The following ARID5B variants were observed in gnomAD, a reference collection of about 807,000 sequenced individuals.
ARID5B encodes the protein AT-rich interactive domain-containing protein 5B.
In ARID5B, 13 loss-of-function variants were observed where a neutral mutation model predicts 97.2. The observed-to-expected ratio is 0.13, with a 90% CI of 0.09 to 0.21. ARID5B has a LOEUF of 0.21. Among genes scored for constraint, ARID5B ranks in the 10% least tolerant of loss-of-function variants. The probability of loss-of-function intolerance (pLI) is 1.00; values close to 1 mark genes in which losing one functional copy is unlikely to be tolerated. For synonymous variants in ARID5B, 556 were observed against 570.3 expected, an observed-to-expected ratio of 0.97 and a Z score of 0.36; for missense variants, 1,210 against 1,465.3, an observed-to-expected ratio of 0.83 and a Z score of 2.84.
intron 8 of ARID5B, among the ~76,000 whole-genome samples, chr10:62,084,191 A>T (rs1398173744): frequency 6.6e-6 from 1 of 152,182 alleles, no homozygotes; most frequent in Non-Finnish European, 1.5e-5. Context: ...ACCTTGTCCA[A>T]GCATGCTCAG....
In ARID5B at chr10:62,021,221, G is replaced by A. The variant is rs530211297; in HGVS notation, c.733+20900G>A. On this transcript the variant is annotated intron_variant, in intron 4 of 9. Coordinates refer to ENST00000279873, the MANE Select transcript of ARID5B (RefSeq NM_032199.3). The stretch of plus-strand genomic sequence containing the variant: ...TAATAACTGCTGATACATAGTTATC[G>A]AAAATTGTTTTTAGCTGCACATGCT... Among the ~76,000 whole-genome samples the A allele has an allele frequency of 8.6e-5, 13 of 151,818 alleles. No homozygotes were observed. In the South Asian group the frequency reaches 1.5e-3, roughly 17 times the overall value.
At chr10:61,903,851 C>A (rs1843662604) in intron 2 of ARID5B, among the ~76,000 whole-genome samples, 1 of 151,892 alleles carries the variant, frequency 6.6e-6, no homozygotes, top group African/African-American at 2.4e-5. Context: ...CTCGAATCTG[C>A]CTTTTCGGAA....
intron 3 of ARID5B, among the ~76,000 whole-genome samples, chr10:61,958,995 T>C (rs1026666003): frequency 6.6e-6 from 1 of 152,352 alleles, no homozygotes; most frequent in African/African-American, 2.4e-5. Flanking sequence ...AATGGCTGCA[T>C]TGGCAATGAA....
At chr10:61,970,380 A>T (rs1291105844) in intron 3 of ARID5B, among the ~76,000 whole-genome samples, 1 of 152,248 alleles carries the variant, frequency 6.6e-6, no homozygotes, top group Non-Finnish European at 1.5e-5. Flanking sequence ...GTTGGGTAAC[A>T]CTGGAGAATT....
chr10:62,065,140 G>C (rs907288605), intron 7 of ARID5B, among the ~76,000 whole-genome samples: 7 of 152,188 alleles, frequency 4.6e-5, no homozygotes, highest in African/African-American at 1.7e-4. Flanking sequence ...AGTAGGTGTG[G>C]AGTGCTTTTC....
rs1426195290 is a variant in ARID5B, at chr10:62,000,682, T to C, written c.733+361T>C. Reference sequence around the variant, plus strand: ...ACTAGTCACTCTCTTTTCATTGTTATAAGGTATTGTAAAAATGCACCAATG... The same window carrying C: ...ACTAGTCACTCTCTTTTCATTGTTACAAGGTATTGTAAAAATGCACCAATG... On this transcript the variant is annotated intron_variant, in intron 4 of 9. Transcript: ENST00000279873. The surrounding 1 kb of genome is among the most constrained non-coding windows in gnomAD (Gnocchi z 4.4). Among the ~76,000 whole-genome samples, 1 of 152,222 alleles carries C rather than the reference T, an allele frequency of 6.6e-6. No homozygotes were observed. The highest frequency in any genetic ancestry group is 1.9e-4 in the East Asian group (1 of 5,200).
At chr10:61,938,456 T>C (rs1671590506) in intron 2 of ARID5B, among the ~76,000 whole-genome samples, 1 of 152,244 alleles carries the variant, frequency 6.6e-6, no homozygotes. Flanking sequence ...TGGTGTCACC[T>C]GTCCAGAAGC....
intron 4 of ARID5B, among the ~76,000 whole-genome samples, chr10:62,013,826 C>T (rs1424983939): frequency 7.0e-6 from 1 of 143,490 alleles, no homozygotes; most frequent in East Asian, 2.3e-4. Flanking sequence ...ACCACATTTT[C>T]TCTTTTAATT....
Position 62,075,478 on chromosome 10 carries a change from G to A in ARID5B, c.1199+5681G>A, listed in dbSNP as rs148081851. On this transcript the variant is annotated intron_variant, in intron 8 of 9. Transcript: ENST00000279873. ...TAGAGGAAGCTTCAGGGTTCCAGGCGCTCTTACTCTGCTCTACACACTCTT... is the reference window on the plus strand; with the variant it reads ...TAGAGGAAGCTTCAGGGTTCCAGGCACTCTTACTCTGCTCTACACACTCTT... Among the ~76,000 whole-genome samples, 48 of 152,290 alleles carry A rather than the reference G, an allele frequency of 3.2e-4. No individual in the cohort carries two copies. The East Asian group carries it at 9.1e-3, about 29-fold the overall frequency.
chr10:62,065,025 C>G (rs1386653915), intron 7 of ARID5B, among the ~76,000 whole-genome samples: 1 of 152,162 alleles, frequency 6.6e-6, no homozygotes, highest in African/African-American at 2.4e-5. Context: ...CCACCCGTCT[C>G]AGCCTCCCAA....
chr10:62,042,655 T>C (rs773696198), intron 4 of ARID5B, among the ~76,000 whole-genome samples: 1 of 152,210 alleles, frequency 6.6e-6, no homozygotes, highest in Non-Finnish European at 1.5e-5. Flanking sequence ...CTCACGCCTG[T>C]GGTCCCAGCA....
In ARID5B at chr10:62,095,027, G is replaced by A. The variant is rs1418478932; in HGVS notation, c.*1997G>A. The A allele has an allele frequency of 4.4e-6, 1 of 229,756 alleles. No individual in the cohort carries two copies. Among genetic ancestry groups the A allele is most frequent in the African/African-American group, 2.2e-5 (1 of 45,018 alleles). The allele number at this position is 229,756 out of a possible 1,614,324, so 14.2% of individuals were successfully genotyped here. A position where few individuals can be genotyped will look rare whatever the true frequency, so the allele number is the denominator to read the frequency against. On this transcript the variant is annotated 3_prime_UTR_variant, in exon 10 of 10. Transcript: ENST00000279873. Reference sequence around the variant, plus strand: ...TGTAACATACTTAATATCCAAAGGTGGAAACAAAAGAATGTAGAGATCCAG... The same window carrying A: ...TGTAACATACTTAATATCCAAAGGTAGAAACAAAAGAATGTAGAGATCCAG...
chr10:62,033,028 G>A (rs995539647), intron 4 of ARID5B, among the ~76,000 whole-genome samples: 2 of 152,082 alleles, frequency 1.3e-5, no homozygotes, highest in Non-Finnish European at 2.9e-5. Flanking sequence ...GTCTATACTG[G>A]GAACCCTACG....
In ARID5B at chr10:62,093,136, A is replaced by G; in HGVS notation, c.*106A>G. 1.4e-6 allele frequency: 2 copies of G among 1,478,256 alleles called. No homozygotes were observed. The highest frequency in any genetic ancestry group is 1.8e-6 in the Non-Finnish European group (2 of 1,114,218). 91.6% of individuals were successfully genotyped at this position (1,478,256 alleles called of 1,614,324 possible). The stretch of plus-strand genomic sequence containing the variant: ...AGAAGTCAGTATTTCTTCTAATCTG[A>G]GGCTATGATCAGTCCCAGCTGTAGG... On this transcript the variant is annotated 3_prime_UTR_variant, in exon 10 of 10. Transcript: ENST00000279873.
intron 3 of ARID5B, among the ~76,000 whole-genome samples, chr10:61,947,946 C>T (rs1838261318): frequency 6.6e-6 from 1 of 152,190 alleles, no homozygotes; most frequent in African/African-American, 2.4e-5. Flanking sequence ...TCTAGTGTTT[C>T]CTGCAGCCAC....
chr10:62,052,669 C>A (rs530972906), intron 5 of ARID5B, among the ~76,000 whole-genome samples: 1 of 152,110 alleles, frequency 6.6e-6, no homozygotes, highest in Non-Finnish European at 1.5e-5. Context: ...TTCACAAAGC[C>A]GAGAAGAACA....
At chr10:61,937,306 A>C (rs1419094491) in intron 2 of ARID5B, among the ~76,000 whole-genome samples, 1 of 151,890 alleles carries the variant, frequency 6.6e-6, no homozygotes, top group Non-Finnish European at 1.5e-5. Flanking sequence ...TTTTTGCCTA[A>C]AGTTTCCCAA....
chr10:62,047,883 G>T (rs191370883), intron 4 of ARID5B, among the ~76,000 whole-genome samples: 29 of 152,274 alleles, frequency 1.9e-4, no homozygotes, highest in African/African-American at 7.0e-4. Flanking sequence ...AATCCAAAAG[G>T]TCTCTGATTC....
intron 3 of ARID5B, among the ~76,000 whole-genome samples, chr10:61,964,002 T>A (rs1838510004): frequency 6.6e-6 from 1 of 152,096 alleles, no homozygotes; most frequent in Non-Finnish European, 1.5e-5. Context: ...GGTCCTCAAA[T>A]CCCTTTTAGA....
Sources: allele counts gnomAD v4.1 joint callset (sites outside exome capture counted in the v4.1 genomes callset), GRCh38; gene constraint gnomAD v4.1.1; non-coding constraint Gnocchi (gnomAD v3.1); transcripts MANE v1.5; gene names NCBI Gene and HGNC (gene_info 2026-07-23, HGNC 2026-07-21).